KCNQ5: variants seen among roughly 807,000 people sequenced by gnomAD.
The protein encoded by KCNQ5 is potassium voltage-gated channel subfamily KQT member 5.
Under a neutral mutation model 98.2 loss-of-function variants are expected in KCNQ5, and 30 were observed. The observed-to-expected ratio is 0.31, with a 90% CI of 0.23 to 0.41. KCNQ5 has a LOEUF of 0.41. Ranked by LOEUF, KCNQ5 falls within the 10% of genes least tolerant of loss-of-function variation. The pLI is 1.00. For synonymous variants in KCNQ5, 458 were observed against 449.4 expected, an observed-to-expected ratio of 1.02 and a Z score of -0.24; for missense variants, 835 against 1,182.5, an observed-to-expected ratio of 0.71 and a Z score of 4.31.
chr6:72,869,817 G>C (rs534347671), intron 1 of KCNQ5, among the ~76,000 whole-genome samples: 2 of 152,222 alleles, frequency 1.3e-5, no homozygotes, highest in African/African-American at 2.4e-5. Context: ...TCGGGTCAAA[G>C]CTGGACATGG....
intron 3 of KCNQ5, among the ~76,000 whole-genome samples, chr6:73,048,698 T>A (rs942005488): frequency 6.6e-6 from 1 of 152,186 alleles, no homozygotes; most frequent in African/African-American, 2.4e-5. Flanking sequence ...AACATAAACA[T>A]AAGTTTATAA....
chr6:72,674,297 T>C (rs1767293353), intron 1 of KCNQ5, among the ~76,000 whole-genome samples: 1 of 152,088 alleles, frequency 6.6e-6, no homozygotes. Flanking sequence ...CTAGATTAAT[T>C]GCAGAATGGA....
At chr6:73,144,185 G>A (rs1019271081) in intron 10 of KCNQ5, among the ~76,000 whole-genome samples, 2 of 152,116 alleles carry the variant, frequency 1.3e-5, no homozygotes, top group African/African-American at 2.4e-5. Flanking sequence ...AGTTACCCAG[G>A]CTTTGCTTTT....
rs1248282047 is a variant in KCNQ5 at position 73,080,491 on chromosome 6, A to C, written c.918+2604A>C. Among the ~76,000 whole-genome samples the C allele has an allele frequency of 2.6e-5, 4 of 152,310 alleles. No homozygotes were observed. The East Asian group carries it at 7.7e-4, about 29-fold the overall frequency. Reference sequence around the variant, plus strand: ...ACAAACAAGAGAGCTCATTGTTTCTATTCATTTTAAGAAGAACATATACTA... The same window carrying C: ...ACAAACAAGAGAGCTCATTGTTTCTCTTCATTTTAAGAAGAACATATACTA... On this transcript the variant is annotated intron_variant, in intron 5 of 13. Transcript: ENST00000370398.
At chr6:72,739,517 C>T (rs568275965) in intron 1 of KCNQ5, among the ~76,000 whole-genome samples, 7 of 152,298 alleles carry the variant, frequency 4.6e-5, no homozygotes, top group Admixed American at 4.6e-4. Flanking sequence ...TCTGAACTTC[C>T]TTTTCATTTC....
At chr6:72,727,185 TG>T (rs1186067080) in intron 1 of KCNQ5, among the ~76,000 whole-genome samples, 2 of 152,246 alleles carry the variant, frequency 1.3e-5, no homozygotes, top group African/African-American at 2.4e-5. Flanking sequence ...CAATATGACC[TG>T]CCATGGGGGC....
chr6:73,125,473 A>C (rs757686408), intron 9 of KCNQ5: 1 of 517,780 alleles, frequency 1.9e-6, no homozygotes, highest in Admixed American at 1.9e-5. Flanking sequence ...TTTTCCTATC[A>C]TTGTCACTGT....
At chr6:72,899,644 G>A (rs190138081) in intron 1 of KCNQ5, among the ~76,000 whole-genome samples, 16 of 151,922 alleles carry the variant, frequency 1.1e-4, no homozygotes, top group East Asian at 5.8e-4. Flanking sequence ...TGACGTTTTC[G>A]TCTTTTCTTT....
chr6:73,171,904 A>G (rs1778030133), intron 11 of KCNQ5, among the ~76,000 whole-genome samples: 1 of 152,156 alleles, frequency 6.6e-6, no homozygotes, highest in Non-Finnish European at 1.5e-5. Context: ...ATTTCCCAAG[A>G]CCTTCTGAAG....
intron 3 of KCNQ5, among the ~76,000 whole-genome samples, chr6:73,056,309 G>A (rs1281376036): frequency 6.6e-6 from 1 of 152,018 alleles, no homozygotes. Flanking sequence ...ATGGTGATGT[G>A]ACAACTGTTT....
chr6:73,034,179 CT>C (rs1024530067), intron 2 of KCNQ5, among the ~76,000 whole-genome samples: 2 of 151,790 alleles, frequency 1.3e-5, no homozygotes, highest in African/African-American at 2.4e-5. Flanking sequence ...TGACTGATGC[CT>C]TTTTTTTGCA....
chr6:72,713,350 T>C (rs1181382628), intron 1 of KCNQ5, among the ~76,000 whole-genome samples: 1 of 152,160 alleles, frequency 6.6e-6, no homozygotes, highest in Non-Finnish European at 1.5e-5. Flanking sequence ...GCTTTTCCTA[T>C]CTTTGAGAGA....
chr6:73,142,161 T>C (rs560429239), intron 10 of KCNQ5, among the ~76,000 whole-genome samples: 2 of 152,308 alleles, frequency 1.3e-5, no homozygotes, highest in Admixed American at 6.5e-5. Context: ...CAGTCTTTTA[T>C]GACATAAGCT....
chr6:72,636,315 T>C lies in KCNQ5; in HGVS notation c.398+13728T>C, dbSNP rs187169269. Among the ~76,000 whole-genome samples, 308 of 152,308 alleles carry C rather than the reference T, an allele frequency of 2.0e-3. 1 individual carries two copies. The highest frequency in any genetic ancestry group is 5.7e-3 in the African/African-American group (235 of 41,564). On this transcript the variant is annotated intron_variant, in intron 1 of 13. Coordinates refer to ENST00000370398, the MANE Select transcript of KCNQ5 (RefSeq NM_019842.4). ...ACTCAGTGAGCCAAGAATAGATCTATAATCTGGCATCACAGAGCTGTACTT... is the reference window on the plus strand; with the variant it reads ...ACTCAGTGAGCCAAGAATAGATCTACAATCTGGCATCACAGAGCTGTACTT...
chr6:72,680,337 A>G (rs1017212579), intron 1 of KCNQ5, among the ~76,000 whole-genome samples: 1 of 152,200 alleles, frequency 6.6e-6, no homozygotes, highest in African/African-American at 2.4e-5. Context: ...AGGTACATTC[A>G]TGGTGTAGCA....
intron 1 of KCNQ5, among the ~76,000 whole-genome samples, chr6:72,882,875 G>A (rs887075420): frequency 9.9e-5 from 15 of 152,126 alleles, no homozygotes; most frequent in East Asian, 1.9e-4. Context: ...GAGTGTACGC[G>A]TGCATCATCA....
At chr6:72,754,454 A>C (rs1361069453) in intron 1 of KCNQ5, among the ~76,000 whole-genome samples, 4 of 152,116 alleles carry the variant, frequency 2.6e-5, no homozygotes, top group African/African-American at 4.8e-5. Context: ...CTTCTCAACT[A>C]GGGACAGTTT....
intron 1 of KCNQ5, among the ~76,000 whole-genome samples, chr6:72,801,239 CATTATT>C (rs1201299561): frequency 6.7e-6 from 1 of 148,654 alleles, no homozygotes; most frequent in Non-Finnish European, 1.5e-5. Context: ...TAAAGTCTCC[CATTATT>C]ATTGTGTGGG....
chr6:73,018,760 A>T (rs1374843908), intron 2 of KCNQ5, among the ~76,000 whole-genome samples: 4 of 152,162 alleles, frequency 2.6e-5, no homozygotes, highest in Non-Finnish European at 5.9e-5. Context: ...AATGCAAGTT[A>T]CCTCATCCAC....
Sources: gnomAD v4.1 joint callset for allele counts (sites outside exome capture counted in the v4.1 genomes callset) on GRCh38, gnomAD v4.1.1 for gene constraint, MANE v1.5 for transcripts, NCBI Gene and HGNC (gene_info 2026-07-23, HGNC 2026-07-21) for gene names.